Variants in GPC5 observed in about 807,000 individuals in gnomAD.
GPC5 encodes the protein glypican 5, also known as glypican-5.
Under a neutral mutation model 53.9 loss-of-function variants are expected in GPC5, and 47 were observed. The ratio of observed to expected loss-of-function variants is 0.87; its 90% CI spans 0.69 to 1.11. The LOEUF (loss-of-function observed/expected upper bound fraction) is 1.11. Among genes scored for constraint, GPC5 ranks in the 50% most tolerant of loss-of-function variants. The pLI, the probability that GPC5 is intolerant of heterozygous loss-of-function variation, is 0.00. For synonymous variants in GPC5, 286 were observed against 263.3 expected, an observed-to-expected ratio of 1.09 and a Z score of -0.84; for missense variants, 748 against 713.1, an observed-to-expected ratio of 1.05 and a Z score of -0.56.
intron 7 of GPC5, among the ~76,000 whole-genome samples, chr13:92,248,033 C>A (rs2042665507): frequency 6.6e-6 from 1 of 151,960 alleles, no homozygotes; most frequent in African/African-American, 2.4e-5. Flanking sequence ...AATGAGTTAT[C>A]AGGACGTTGA....
At chr13:92,343,686 C>T (rs1246851816) in intron 7 of GPC5, among the ~76,000 whole-genome samples, 1 of 151,996 alleles carries the variant, frequency 6.6e-6, no homozygotes, top group Non-Finnish European at 1.5e-5. Context: ...TTTTCTAACT[C>T]TAACCACATT....
chr13:92,049,490 C>T (rs952357440), intron 6 of GPC5, among the ~76,000 whole-genome samples: 4 of 152,028 alleles, frequency 2.6e-5, no homozygotes. Context: ...ACCAGGAAAG[C>T]AGAAATTATA....
intron 2 of GPC5, among the ~76,000 whole-genome samples, chr13:91,642,616 C>T (rs2034457401): frequency 6.6e-6 from 1 of 151,424 alleles, no homozygotes; most frequent in South Asian, 2.1e-4. Flanking sequence ...TTGTTGATAC[C>T]AGAAAGAAGA....
chr13:91,681,434 C>T (rs970670944), intron 2 of GPC5, among the ~76,000 whole-genome samples: 3 of 152,118 alleles, frequency 2.0e-5, no homozygotes, highest in Middle Eastern at 3.2e-3. Context: ...ACAACTTGAC[C>T]CAATCAACTA....
At chr13:92,146,697 G>A (rs2138986539) in intron 7 of GPC5, among the ~76,000 whole-genome samples, 1 of 152,058 alleles carries the variant, frequency 6.6e-6, no homozygotes, top group Non-Finnish European at 1.5e-5. Context: ...AAAGTCCATT[G>A]TATCATTCTT....
chr13:92,818,009 A>AT (rs201769060), intron 7 of GPC5, among the ~76,000 whole-genome samples: 7,427 of 135,460 alleles, frequency 0.055, 268 homozygotes, highest in East Asian at 0.11. Context: ...CCTAAATTGC[A>AT]TTTTTTTTTT....
At chr13:91,459,159 A>T (rs1459557665) in intron 2 of GPC5, among the ~76,000 whole-genome samples, 1 of 151,928 alleles carries the variant, frequency 6.6e-6, no homozygotes, top group Non-Finnish European at 1.5e-5. Flanking sequence ...ACCGCTAAAG[A>T]ACTTATCCAT....
At chr13:91,929,303 A>G (rs60080041) in intron 6 of GPC5, among the ~76,000 whole-genome samples, 7,788 of 152,184 alleles carry the variant, frequency 0.051, 529 homozygotes, top group African/African-American at 0.16. Flanking sequence ...AGAAACAGAA[A>G]TGTGCCATTT....
intron 7 of GPC5, among the ~76,000 whole-genome samples, chr13:92,820,756 T>C (rs1877647553): frequency 6.6e-6 from 1 of 152,182 alleles, no homozygotes; most frequent in South Asian, 2.1e-4. Flanking sequence ...CTTTTTCAAT[T>C]CTCAGCTGAG....
intron 2 of GPC5, chr13:91,485,749 A>G (rs901657109): frequency 2.0e-5 from 3 of 152,200 alleles, no homozygotes; most frequent in Non-Finnish European, 2.9e-5. Context: ...CTGATTCCAA[A>G]TGAAAATAGG....
intron 7 of GPC5, among the ~76,000 whole-genome samples, chr13:92,398,822 C>T (rs936978588): frequency 1.3e-5 from 2 of 152,140 alleles, no homozygotes; most frequent in African/African-American, 2.4e-5. Context: ...TATTTTGCTT[C>T]AGGTCATCCT....
At chr13:92,501,582 G>A (rs997819871) in intron 7 of GPC5, among the ~76,000 whole-genome samples, 2 of 152,012 alleles carry the variant, frequency 1.3e-5, no homozygotes, top group African/African-American at 2.4e-5. Context: ...TAAACCTGCA[G>A]ATTCAAAACA....
intron 2 of GPC5, among the ~76,000 whole-genome samples, chr13:91,451,478 A>G (rs1881168866): frequency 6.6e-6 from 1 of 151,962 alleles, no homozygotes; most frequent in African/African-American, 2.4e-5. Context: ...CATGAGGGAG[A>G]GAGGAAGCCA....
chr13:92,043,471 T>C (rs929338750), intron 6 of GPC5, among the ~76,000 whole-genome samples: 3 of 152,044 alleles, frequency 2.0e-5, no homozygotes, highest in African/African-American at 7.2e-5. Context: ...TGGAAATTGG[T>C]AAGGAGAGGA....
intron 5 of GPC5, among the ~76,000 whole-genome samples, chr13:91,830,380 T>C (rs2038636681): frequency 6.6e-6 from 1 of 151,982 alleles, no homozygotes; most frequent in Non-Finnish European, 1.5e-5. Context: ...CAAACACACA[T>C]GCTCTACAAT....
chr13:92,431,622 A>C (rs143836638), intron 7 of GPC5, among the ~76,000 whole-genome samples: 5 of 152,232 alleles, frequency 3.3e-5, no homozygotes, highest in Admixed American at 1.3e-4. Flanking sequence ...CTGAGCAAAG[A>C]CTACAGAGGC....
At position 91,598,598 on chromosome 13, in the gene GPC5, A is replaced by G. The variant is rs968296937; in HGVS notation, c.326-94589A>G. The stretch of plus-strand genomic sequence containing the variant: ...TTCATTTCTACCTTTGATATGTTGT[A>G]TTTAATTGTTTTATACAGGAGCATT... On this transcript the variant is annotated intron_variant, in intron 2 of 7. Transcript: ENST00000377067. 5.3e-5 allele frequency among the ~76,000 whole-genome samples: 8 copies of G among 152,008 alleles called. No homozygotes were observed. In the East Asian group the frequency reaches 1.5e-3, roughly 29 times the overall value.
chr13:92,554,845 G>T lies in GPC5; in HGVS notation c.1562-311437G>T, dbSNP rs187169781. Among the ~76,000 whole-genome samples, 141 of 150,854 alleles carry T rather than the reference G, an allele frequency of 9.3e-4. 1 individual carries two copies. Among genetic ancestry groups the T allele is most frequent in the Non-Finnish European group, 1.2e-3 (81 of 67,468 alleles). The stretch of plus-strand genomic sequence containing the variant: ...ATGTGTATAGAACTTACAAGGCAAA[G>T]AAATTTGTATGTATGAGATCTGTTA... On this transcript the variant is annotated intron_variant, in intron 7 of 7. Coordinates refer to ENST00000377067, the MANE Select transcript of GPC5 (RefSeq NM_004466.6).
intron 1 of GPC5, among the ~76,000 whole-genome samples, chr13:91,410,980 G>A (rs1251424045): frequency 3.9e-5 from 6 of 152,042 alleles, no homozygotes; most frequent in African/African-American, 7.2e-5. Context: ...GTAGTGGCAC[G>A]TGCCTGTGAT....
Sources: gnomAD v4.1 joint callset for allele counts (sites outside exome capture counted in the v4.1 genomes callset) on GRCh38, gnomAD v4.1.1 for gene constraint, MANE v1.5 for transcripts, NCBI Gene and HGNC (gene_info 2026-07-23, HGNC 2026-07-21) for gene names.